SPOCK3: variants seen among roughly 807,000 people sequenced by gnomAD.
SPOCK3 encodes SPARC (osteonectin), cwcv and kazal like domains proteoglycan 3.
SPOCK3 carries 30 observed loss-of-function variants against 56.6 expected under a neutral mutation model. That is an observed-to-expected ratio of 0.53 (90% confidence interval 0.40 to 0.72). The LOEUF (loss-of-function observed/expected upper bound fraction) is 0.72, where lower values mean the gene tolerates loss of function less well. Ranked by LOEUF, SPOCK3 falls within the 30% of genes least tolerant of loss-of-function variation. The pLI is 0.00. For synonymous variants in SPOCK3, 196 were observed against 183.3 expected (o/e 1.07, Z -0.56); for missense variants, 527 against 530.0 (o/e 0.99, Z 0.06).
rs373536006 is a variant in SPOCK3, at chr4:167,077,905, C to T, written c.190-15368G>A. ...AAAAGGAGGCAACATGGAGAGGAAA[C>T]GTGGCTTTAATTTAACAAATTATTC... On this transcript the variant is annotated intron_variant, in intron 2 of 10. Coordinates refer to ENST00000357545, the MANE Select transcript of SPOCK3 (RefSeq NM_001040159.2). 6.6e-5 allele frequency among the ~76,000 whole-genome samples: 10 copies of T among 151,896 alleles called. No homozygotes were observed. In the South Asian group the frequency reaches 1.2e-3, roughly 19 times the overall value.
At chr4:166,798,926 A>G (rs2318490) in intron 6 of SPOCK3, among the ~76,000 whole-genome samples, 59,104 of 151,990 alleles carry the variant, frequency 0.39, 13,065 homozygotes, top group East Asian at 0.73. Context: ...AAATACTTGC[A>G]TGAGCAAATC....
chr4:166,743,442 A>T (rs992054586), intron 8 of SPOCK3, among the ~76,000 whole-genome samples: 4 of 69,242 alleles, frequency 5.8e-5, no homozygotes, highest in Admixed American at 1.9e-4. Context: ...TGCAGAATCT[A>T]AAAAAAAATT....
intron 7 of SPOCK3, among the ~76,000 whole-genome samples, chr4:166,774,821 T>C (rs1340461648): frequency 6.6e-6 from 1 of 152,170 alleles, no homozygotes; most frequent in Non-Finnish European, 1.5e-5. Flanking sequence ...GGTGGAATCA[T>C]AGCATAGCTC....
intron 2 of SPOCK3, among the ~76,000 whole-genome samples, chr4:167,146,979 A>G (rs1764016662): frequency 6.6e-6 from 1 of 152,160 alleles, no homozygotes; most frequent in Non-Finnish European, 1.5e-5. Context: ...ACTAAAGGAG[A>G]TAGAGACACG....
intron 3 of SPOCK3, among the ~76,000 whole-genome samples, chr4:167,061,206 C>A (rs78154791): frequency 0.025 from 3,798 of 151,910 alleles, 79 homozygotes; most frequent in Middle Eastern, 0.061. Flanking sequence ...CCAAGTATGA[C>A]AAATTCCATA....
At chr4:167,055,745 G>C (rs1002284103) in intron 3 of SPOCK3, among the ~76,000 whole-genome samples, 1 of 152,220 alleles carries the variant, frequency 6.6e-6, no homozygotes, top group African/African-American at 2.4e-5. Context: ...CAGCGAGGCT[G>C]GGGGAGGGAG....
chr4:167,026,865 C>T (rs1580047619), intron 3 of SPOCK3, among the ~76,000 whole-genome samples: 1 of 131,782 alleles, frequency 7.6e-6, no homozygotes, highest in Non-Finnish European at 1.6e-5. Flanking sequence ...TATTTTTGAA[C>T]TCATGTATCT....
At chr4:167,147,125 G>C (rs1764028451) in intron 2 of SPOCK3, among the ~76,000 whole-genome samples, 1 of 151,800 alleles carries the variant, frequency 6.6e-6, no homozygotes, top group Admixed American at 6.6e-5. Context: ...ATGATAAAGG[G>C]GATATCACCA....
chr4:167,006,742 T>A, intron 3 of SPOCK3, among the ~76,000 whole-genome samples: 1 of 152,214 alleles, frequency 6.6e-6, no homozygotes. Flanking sequence ...TTTTTCACTA[T>A]TTTTAAAATA....
intron 4 of SPOCK3, among the ~76,000 whole-genome samples, chr4:166,988,334 T>C (rs1262357439): frequency 6.6e-6 from 1 of 152,072 alleles, no homozygotes; most frequent in Non-Finnish European, 1.5e-5. Context: ...ACTGGATGCT[T>C]TCTCTTTTCT....
intron 4 of SPOCK3, among the ~76,000 whole-genome samples, chr4:166,972,258 TTAAG>T (rs1745474287): frequency 6.6e-6 from 1 of 152,154 alleles, no homozygotes; most frequent in African/African-American, 2.4e-5. Context: ...ATAAGCATGA[TTAAG>T]TGTTTCTGTA....
At chr4:166,914,573 C>T (rs1209403330) in intron 4 of SPOCK3, among the ~76,000 whole-genome samples, 1 of 152,182 alleles carries the variant, frequency 6.6e-6, no homozygotes, top group Admixed American at 6.5e-5. Flanking sequence ...GAGTTTGAGA[C>T]CAGCCTGACC....
chr4:166,990,116 T>C (rs1179000573), intron 4 of SPOCK3, among the ~76,000 whole-genome samples: 2 of 152,208 alleles, frequency 1.3e-5, no homozygotes, highest in African/African-American at 4.8e-5. Flanking sequence ...AACTAGTACC[T>C]GCCCTGGCAG....
chr4:166,944,250 G>A (rs1209668538), intron 4 of SPOCK3, among the ~76,000 whole-genome samples: 6 of 152,074 alleles, frequency 3.9e-5, no homozygotes, highest in African/African-American at 7.2e-5. Context: ...GGAGGGGATT[G>A]TATAGATATA....
intron 2 of SPOCK3, among the ~76,000 whole-genome samples, chr4:167,138,413 T>C (rs1482894567): frequency 6.6e-6 from 1 of 151,894 alleles, no homozygotes; most frequent in Non-Finnish European, 1.5e-5. Context: ...AGATTTATAT[T>C]GTCATTGAGA....
chr4:167,057,032 G>C (rs1281376222), intron 3 of SPOCK3, among the ~76,000 whole-genome samples: 5 of 152,196 alleles, frequency 3.3e-5, no homozygotes, highest in Non-Finnish European at 5.9e-5. Flanking sequence ...AGGGCATCCA[G>C]AGAGAAAGGT....
At chr4:166,908,272 T>TCTCA (rs373303538) in intron 5 of SPOCK3, among the ~76,000 whole-genome samples, 2 of 138,474 alleles carry the variant, frequency 1.4e-5, no homozygotes, top group African/African-American at 5.4e-5. Flanking sequence ...ATGTTATTGT[T>TCTCA]CACACACACA....
chr4:167,187,581 A>G (rs1732110570), intron 2 of SPOCK3, among the ~76,000 whole-genome samples: 1 of 151,902 alleles, frequency 6.6e-6, no homozygotes, highest in Admixed American at 6.6e-5. Context: ...TGCTATTGTA[A>G]AGTGCTATGA....
At chr4:166,963,879 T>C (rs987517574) in intron 4 of SPOCK3, among the ~76,000 whole-genome samples, 2 of 151,882 alleles carry the variant, frequency 1.3e-5, no homozygotes, top group Admixed American at 6.6e-5. Flanking sequence ...TTAGATATCA[T>C]GAGTCAGTGG....
Sources: allele counts gnomAD v4.1 joint callset (sites outside exome capture counted in the v4.1 genomes callset), GRCh38; gene constraint gnomAD v4.1.1; transcripts MANE v1.5; gene names NCBI Gene and HGNC (gene_info 2026-07-23, HGNC 2026-07-21).